Variants in AGBL4 observed in about 807,000 individuals in gnomAD.
AGBL4 encodes the protein AGBL carboxypeptidase 4.
AGBL4 carries 58 observed loss-of-function variants against 66.4 expected under a neutral mutation model. That is an observed-to-expected ratio of 0.87 (90% CI 0.71 to 1.09). The LOEUF is 1.09. Ranked by LOEUF, AGBL4 falls within the 50% of genes least tolerant of loss-of-function variation. AGBL4 has a pLI of 0.00. For synonymous variants in AGBL4, 234 were observed against 222.9 expected (o/e 1.05, Z -0.44); for missense variants, 579 against 631.0 (o/e 0.92, Z 0.88).
intron 4 of AGBL4, among the ~76,000 whole-genome samples, chr1:49,139,081 C>T (rs1039643794): frequency 2.0e-5 from 3 of 152,050 alleles, no homozygotes; most frequent in Non-Finnish European, 2.9e-5. Flanking sequence ...CATGAGAACT[C>T]GCTATCCCAA....
intron 3 of AGBL4, among the ~76,000 whole-genome samples, chr1:49,593,086 A>G (rs1403461905): frequency 1.3e-5 from 2 of 152,166 alleles, no homozygotes; most frequent in African/African-American, 2.4e-5. Flanking sequence ...GTACAAGAAT[A>G]TTCATCATCA....
chr1:48,726,209 C>G (rs1207190580), intron 6 of AGBL4, among the ~76,000 whole-genome samples: 1 of 152,196 alleles, frequency 6.6e-6, no homozygotes, highest in East Asian at 1.9e-4. Context: ...ATTTCCACAA[C>G]TATTCCCCCC....
intron 3 of AGBL4, among the ~76,000 whole-genome samples, chr1:49,385,308 T>A (rs1644714259): frequency 6.6e-6 from 1 of 152,146 alleles, no homozygotes; most frequent in Non-Finnish European, 1.5e-5. Flanking sequence ...TGTGTTTTTT[T>A]ACTACCATAA....
At chr1:48,742,637 G>A in intron 6 of AGBL4, 1 of 1,598,070 alleles carries the variant, frequency 6.3e-7, no homozygotes, top group Non-Finnish European at 8.5e-7. Flanking sequence ...CCATTGTCTA[G>A]GATATACTTG....
intron 3 of AGBL4, among the ~76,000 whole-genome samples, chr1:49,525,960 C>T (rs1482668219): frequency 6.6e-6 from 1 of 151,754 alleles, no homozygotes; most frequent in Admixed American, 6.6e-5. Flanking sequence ...GGCATGGTGG[C>T]GGGTGCCTGT....
At chr1:49,435,530 T>A (rs960904116) in intron 3 of AGBL4, among the ~76,000 whole-genome samples, 1 of 152,202 alleles carries the variant, frequency 6.6e-6, no homozygotes, top group Non-Finnish European at 1.5e-5. Flanking sequence ...TCAGAGAACA[T>A]GTGCTTGTGG....
intron 4 of AGBL4, among the ~76,000 whole-genome samples, chr1:49,079,892 C>T (rs1386561655): frequency 1.3e-5 from 2 of 152,164 alleles, no homozygotes; most frequent in African/African-American, 4.8e-5. Context: ...CAAAGTTTTT[C>T]CTGCTTTATC....
At chr1:48,680,340 G>A (rs1297374844) in intron 6 of AGBL4, among the ~76,000 whole-genome samples, 2 of 152,226 alleles carry the variant, frequency 1.3e-5, no homozygotes, top group African/African-American at 2.4e-5. Context: ...CTTGCAAACT[G>A]AGTAGAGCTC....
At chr1:49,866,805 T>G (rs1453623000) in intron 1 of AGBL4, among the ~76,000 whole-genome samples, 1 of 152,022 alleles carries the variant, frequency 6.6e-6, no homozygotes, top group Non-Finnish European at 1.5e-5. Context: ...TTTCTTTTTT[T>G]TTTTTCCTTG....
At chr1:49,811,430 C>A (rs1425117046) in intron 2 of AGBL4, among the ~76,000 whole-genome samples, 1 of 152,024 alleles carries the variant, frequency 6.6e-6, no homozygotes, top group Non-Finnish European at 1.5e-5. Flanking sequence ...TTCTTGGGTA[C>A]TTACAAAGTT....
chr1:48,535,011 GT>G (rs1354099840), intron 12 of AGBL4, 95 bp from the exon 13 acceptor site: 2 of 1,150,656 alleles, frequency 1.7e-6, no homozygotes, highest in Non-Finnish European at 2.5e-6. Context: ...GAAGGATGTT[GT>G]TTTTAACACC....
chr1:49,427,394 G>A (rs544575881), intron 3 of AGBL4, among the ~76,000 whole-genome samples: 2 of 151,426 alleles, frequency 1.3e-5, no homozygotes, highest in Non-Finnish European at 2.9e-5. Flanking sequence ...CCTTCAGAAG[G>A]GTAAAGCTTG....
chr1:49,946,526 A>T (rs1457859626), intron 1 of AGBL4, among the ~76,000 whole-genome samples: 1 of 152,042 alleles, frequency 6.6e-6, no homozygotes, highest in African/African-American at 2.4e-5. Flanking sequence ...ATAGTGACAC[A>T]TCCTATCAAA....
rs370894586 is a variant in AGBL4 at position 49,447,242 on chromosome 1, C to T, written c.283-201378G>A. Among the ~76,000 whole-genome samples the T allele has an allele frequency of 3.3e-4, 51 of 152,308 alleles. 1 individual carries two copies. The South Asian group carries it at 9.7e-3, about 29-fold the overall frequency. ...AGAATGAGGTCACTTCTCACAGCCC[C>T]AAACAGGGAGGTCACAGGCTCTGGA... On this transcript the variant is annotated intron_variant, in intron 3 of 13. Transcript: ENST00000371839.
chr1:49,261,493 C>G (rs1247379483), intron 3 of AGBL4, among the ~76,000 whole-genome samples: 1 of 149,706 alleles, frequency 6.7e-6, no homozygotes, highest in Non-Finnish European at 1.5e-5. Flanking sequence ...ACAAAAATCA[C>G]AAGCATTCTT....
At chr1:48,540,152 T>C (rs1207582629) in intron 11 of AGBL4, among the ~76,000 whole-genome samples, 1 of 152,134 alleles carries the variant, frequency 6.6e-6, no homozygotes, top group Non-Finnish European at 1.5e-5. Flanking sequence ...GAGACATTTG[T>C]TGCATATAGA....
intron 3 of AGBL4, among the ~76,000 whole-genome samples, chr1:49,603,365 G>T (rs1034858431): frequency 3.3e-5 from 5 of 151,850 alleles, no homozygotes; most frequent in African/African-American, 1.2e-4. Context: ...TTTCTAGAAA[G>T]GGAACAGTTA....
intron 5 of AGBL4, among the ~76,000 whole-genome samples, chr1:48,878,455 A>G (rs1203651020): frequency 1.3e-5 from 2 of 152,298 alleles, no homozygotes; most frequent in Admixed American, 6.5e-5. Flanking sequence ...ATACTTTGAA[A>G]TGGGTTTAAC....
At chr1:48,769,526 A>ACACAC in intron 6 of AGBL4, among the ~76,000 whole-genome samples, 1 of 130,312 alleles carries the variant, frequency 7.7e-6, no homozygotes, top group South Asian at 2.8e-4. Context: ...GAGGATTTAA[A>ACACAC]ACACACACAC....
Sources: allele counts gnomAD v4.1 joint callset (sites outside exome capture counted in the v4.1 genomes callset), GRCh38; gene constraint gnomAD v4.1.1; transcripts MANE v1.5; gene names NCBI Gene and HGNC (gene_info 2026-07-23, HGNC 2026-07-21).